Variants in TTC39B observed in about 807,000 individuals in gnomAD.
TTC39B encodes the protein tetratricopeptide repeat protein 39B.
Under a neutral mutation model 96.6 loss-of-function variants are expected in TTC39B, and 92 were observed. The observed-to-expected ratio is 0.95, with a 90% confidence interval of 0.80 to 1.13. The LOEUF is 1.13. TTC39B is among the 50% of genes most tolerant of loss of function. TTC39B has a pLI of 0.00. For missense variants in TTC39B, 955 were observed against 809.3 expected (o/e 1.18, Z -2.18); for synonymous variants, 367 against 299.4 (o/e 1.23, Z -2.33).
chr9:15,215,180 G>GT (rs1417618921), intron 3 of TTC39B, among the ~76,000 whole-genome samples: 7 of 152,284 alleles, frequency 4.6e-5, no homozygotes, highest in Non-Finnish European at 7.4e-5. Context: ...GAGCTCAGGA[G>GT]TTTGTGGCTG....
chr9:15,221,689 G>A (rs1820851477), intron 3 of TTC39B, among the ~76,000 whole-genome samples: 2 of 152,140 alleles, frequency 1.3e-5, no homozygotes, highest in African/African-American at 4.8e-5. Context: ...TTCAAGCTAT[G>A]TCTACTTTAG....
At chr9:15,304,755 G>A (rs1343276185) in intron 1 of TTC39B, among the ~76,000 whole-genome samples, 1 of 151,274 alleles carries the variant, frequency 6.6e-6, no homozygotes, top group African/African-American at 2.4e-5. Flanking sequence ...TAAGGGAACT[G>A]AAAGAGCCCT....
intron 9 of TTC39B, 48 bp downstream of exon 9, chr9:15,192,542 T>A: frequency 6.8e-7 from 1 of 1,462,474 alleles, no homozygotes; most frequent in African/African-American, 1.4e-5. Context: ...ACAGAAAACC[T>A]TAGGTTCTTC....
At chr9:15,283,105 G>A (rs938353688) in intron 1 of TTC39B, among the ~76,000 whole-genome samples, 3 of 152,002 alleles carry the variant, frequency 2.0e-5, no homozygotes, top group African/African-American at 4.8e-5. Flanking sequence ...AGCACCAAGC[G>A]CCACGCCTAC....
At chr9:15,183,569 T>C (rs1818360911) in intron 16 of TTC39B, 1 of 300,424 alleles carries the variant, frequency 3.3e-6, no homozygotes, top group Non-Finnish European at 6.5e-6. Flanking sequence ...ACCTTCCCTA[T>C]GGTTCTTAAC....
Position 15,306,335 on chromosome 9 carries a change from CGG to C in TTC39B, c.240+747_240+748del, listed in dbSNP as rs1824751607. Among the ~76,000 whole-genome samples the C allele has an allele frequency of 6.6e-6, 1 of 152,186 alleles. No individual in the cohort carries two copies. Among genetic ancestry groups the C allele is most frequent in the Non-Finnish European group, 1.5e-5 (1 of 68,028 alleles). ...GCGCTAGCCCCTGGGTGCTCAGGCC[CGG>C]GCGCGCCACGACTGAAGGAGTGGCT... is the stretch of plus-strand genomic sequence containing the variant. On this transcript the variant is annotated intron_variant, in intron 1 of 19. Transcript: ENST00000512701. The surrounding 1 kb of genome is among the most constrained non-coding windows in gnomAD (Gnocchi z 5.1).
At chr9:15,209,292 A>C (rs997952678) in intron 6 of TTC39B, among the ~76,000 whole-genome samples, 5 of 152,164 alleles carry the variant, frequency 3.3e-5, no homozygotes, top group Non-Finnish European at 5.9e-5. Context: ...CACGTCAAGC[A>C]ATTGACAGCA....
rs1161891934 is a variant in TTC39B, at chr9:15,177,694, T to A, written c.1841+3A>T. On this transcript the variant is annotated splice_donor_region_variant and intron_variant, in intron 18 of 19. Coordinates refer to ENST00000512701, the Ensembl canonical transcript of TTC39B. ...TTGGGCTGGTTTTATTGTTTGGTCT[T>A]ACCTTTCCACAACATGATTGTAACA... is the stretch of plus-strand genomic sequence containing the variant. 1 of 1,600,750 alleles carries A rather than the reference T, an allele frequency of 6.2e-7. No individual in the cohort carries two copies.
chr9:15,163,697 C>T (rs1330882833), exon 20 of TTC39B: 1 of 152,146 alleles, frequency 6.6e-6, no homozygotes, highest in Non-Finnish European at 1.5e-5. Context: ...TATAAAAATA[C>T]AGAATTTTGA....
intron 18 of TTC39B, among the ~76,000 whole-genome samples, chr9:15,176,895 A>C (rs1307532081): frequency 6.6e-6 from 1 of 152,186 alleles, no homozygotes; most frequent in Non-Finnish European, 1.5e-5. Context: ...ACCCTGATTC[A>C]ACTCTATGGT....
At chr9:15,220,174 G>T (rs16932840) in intron 3 of TTC39B, among the ~76,000 whole-genome samples, 2,998 of 152,230 alleles carry the variant, frequency 0.02, 103 homozygotes, top group African/African-American at 0.068. Flanking sequence ...GGGTTCTTTT[G>T]CAAGCCAATC....
chr9:15,199,737 A>T, intron 8 of TTC39B, 124 bp downstream of exon 8: 1 of 187,142 alleles, frequency 5.3e-6, no homozygotes, highest in Non-Finnish European at 1.0e-5. Flanking sequence ...TCCGTCTCAA[A>T]AAAAAAAAAA....
intron 1 of TTC39B, among the ~76,000 whole-genome samples, chr9:15,273,030 A>C (rs1190625090): frequency 1.3e-5 from 2 of 152,188 alleles, no homozygotes; most frequent in African/African-American, 2.4e-5. Flanking sequence ...TCACCTACTA[A>C]GGCTTTTCCA....
At chr9:15,285,206 T>C (rs2131591012) in intron 1 of TTC39B, among the ~76,000 whole-genome samples, 1 of 151,676 alleles carries the variant, frequency 6.6e-6, no homozygotes, top group Admixed American at 6.6e-5. Context: ...GAGGCGGAGT[T>C]TGCAGTGAGC....
intron 8 of TTC39B, among the ~76,000 whole-genome samples, chr9:15,199,492 TTGG>T (rs1448796815): frequency 6.6e-6 from 1 of 151,608 alleles, no homozygotes; most frequent in Non-Finnish European, 1.5e-5. Flanking sequence ...TCCCAGCACT[TTGG>T]GAGGCTGAGG....
chr9:15,192,659 GTTC>G, exon 9 of TTC39B: 4 of 1,614,028 alleles, frequency 2.5e-6, no homozygotes, highest in Non-Finnish European at 3.4e-6. Context: ...GCTGAAGTTT[GTTC>G]TTCTGAATTT....
intron 2 of TTC39B, among the ~76,000 whole-genome samples, chr9:15,233,578 C>T (rs1252894888): frequency 6.6e-6 from 1 of 151,518 alleles, no homozygotes; most frequent in Non-Finnish European, 1.5e-5. Flanking sequence ...GGCTGGTCTC[C>T]AGCTCCTAAC....
intron 1 of TTC39B, among the ~76,000 whole-genome samples, chr9:15,287,745 G>A (rs1824025098): frequency 6.6e-6 from 1 of 152,042 alleles, no homozygotes; most frequent in Non-Finnish European, 1.5e-5. Context: ...AGGAGATTGA[G>A]ACCATCTTGG....
chr9:15,241,307 A>C (rs911025434), intron 2 of TTC39B, among the ~76,000 whole-genome samples: 2 of 151,986 alleles, frequency 1.3e-5, no homozygotes, highest in African/African-American at 4.8e-5. Context: ...AAAAAAAAAA[A>C]CTCTGCAAAA....
Sources: allele counts gnomAD v4.1 joint callset (sites outside exome capture counted in the v4.1 genomes callset), GRCh38; gene constraint gnomAD v4.1.1; non-coding constraint Gnocchi (gnomAD v3.1); transcripts MANE v1.5; gene names NCBI Gene and HGNC (gene_info 2026-07-23, HGNC 2026-07-21).